Variants in RNF144B observed in about 807,000 individuals in gnomAD.
RNF144B encodes the protein E3 ubiquitin-protein ligase RNF144B.
RNF144B carries 25 observed loss-of-function variants against 40.2 expected under a neutral mutation model. The ratio of observed to expected loss-of-function variants is 0.62; its 90% CI spans 0.45 to 0.87. The LOEUF (loss-of-function observed/expected upper bound fraction) is 0.87. Among genes scored for constraint, RNF144B ranks in the 40% least tolerant of loss-of-function variants. RNF144B has a pLI of 0.00. For synonymous variants in RNF144B, 145 were observed against 136.3 expected (o/e 1.06, Z -0.44); for missense variants, 365 against 373.7 (o/e 0.98, Z 0.19).
At chr6:18,407,143 T>C (rs1400502602) in intron 2 of RNF144B, among the ~76,000 whole-genome samples, 1 of 152,074 alleles carries the variant, frequency 6.6e-6, no homozygotes, top group African/African-American at 2.4e-5. Flanking sequence ...TCACTGATCT[T>C]ATCCAGAAAC....
In RNF144B at chr6:18,425,425, T is replaced by A. The variant is rs1487225701; in HGVS notation, c.166-2156T>A. Among the ~76,000 whole-genome samples, 4 of 152,176 alleles carry A rather than the reference T, an allele frequency of 2.6e-5. No homozygotes were observed. Among genetic ancestry groups the A allele is most frequent in the Non-Finnish European group, 5.9e-5 (4 of 68,038 alleles). On this transcript the variant is annotated intron_variant, in intron 2 of 7. Transcript: ENST00000259939. The surrounding 1 kb of genome is among the most constrained non-coding windows in gnomAD (Gnocchi z 4.2). ...ATGGACAGGCTTTCACACTGTTTAT[T>A]CATTTGTCCCCTGGCAAAACACTCC...
chr6:18,426,919 T>A (rs1330091496), intron 2 of RNF144B, among the ~76,000 whole-genome samples: 5 of 152,082 alleles, frequency 3.3e-5, no homozygotes, highest in Non-Finnish European at 7.3e-5. Flanking sequence ...GTGCCTTTTT[T>A]CCTACTCCAA....
chr6:18,389,525 A>G (rs1263030270), intron 1 of RNF144B, among the ~76,000 whole-genome samples: 1 of 152,230 alleles, frequency 6.6e-6, no homozygotes, highest in African/African-American at 2.4e-5. Flanking sequence ...TATGTATGTC[A>G]GAATCCTTTC....
chr6:18,403,512 G>C (rs1032649665), intron 2 of RNF144B, among the ~76,000 whole-genome samples: 4 of 152,164 alleles, frequency 2.6e-5, no homozygotes, highest in Admixed American at 2.6e-4. Context: ...ATTGGCTCTA[G>C]GTAGTTAGAA....
chr6:18,390,252 T>G (rs1255165941), intron 1 of RNF144B, among the ~76,000 whole-genome samples: 1 of 152,252 alleles, frequency 6.6e-6, no homozygotes, highest in Non-Finnish European at 1.5e-5. Flanking sequence ...TAAGTTAATT[T>G]ATGTAAATAT....
At position 18,467,426 on chromosome 6, in the gene RNF144B, G is replaced by T. The variant is rs1214459504; in HGVS notation, c.*2359G>T. 1.2e-5 allele frequency: 1 copy of T among 83,070 alleles called. No individual in the cohort carries two copies. Among genetic ancestry groups the T allele is most frequent in the Non-Finnish European group, 2.3e-5 (1 of 44,188 alleles). 5.1% of individuals were successfully genotyped at this position (83,070 alleles called of 1,614,324 possible). A position where few individuals can be genotyped will look rare whatever the true frequency, so the allele number is the denominator to read the frequency against. On this transcript the variant is annotated 3_prime_UTR_variant, in exon 8 of 8. Coordinates refer to ENST00000259939, the MANE Select transcript of RNF144B (RefSeq NM_182757.4). ...TTTTTTTTTTTTTTTTTTTGCCAGGGCTATGGAGTGGGGGTTGTTTGTCAA... is the reference window on the plus strand; with the variant it reads ...TTTTTTTTTTTTTTTTTTTGCCAGGTCTATGGAGTGGGGGTTGTTTGTCAA...
intron 3 of RNF144B, among the ~76,000 whole-genome samples, chr6:18,428,259 T>C (rs1484979270): frequency 1.3e-5 from 2 of 152,152 alleles, no homozygotes; most frequent in Non-Finnish European, 2.9e-5. Flanking sequence ...TGTGAGTCAA[T>C]TAAATACCCA....
At chr6:18,431,048 C>G (rs6928268) in intron 3 of RNF144B, among the ~76,000 whole-genome samples, 1 of 151,768 alleles carries the variant, frequency 6.6e-6, no homozygotes, top group African/African-American at 2.4e-5. Flanking sequence ...CGAGACCATC[C>G]GGGCTAACAC....
Position 18,459,204 on chromosome 6 carries a change from T to G in RNF144B, c.537-403T>G, listed in dbSNP as rs1259181881. Among the ~76,000 whole-genome samples the G allele has an allele frequency of 6.6e-6, 1 of 152,226 alleles. No individual in the cohort carries two copies. Among genetic ancestry groups the G allele is most frequent in the African/African-American group, 2.4e-5 (1 of 41,456 alleles). On this transcript the variant is annotated intron_variant, in intron 5 of 7. Transcript: ENST00000259939. This position sits in a 1 kb window ranked among gnomAD's most constrained non-coding sequence, Gnocchi z 4.2. ...GTATTTGACATTATTTTAAAGTGTT[T>G]ATATTTGAGAACCCCTTCTCCATTT... is the stretch of plus-strand genomic sequence containing the variant.
chr6:18,411,051 C>T (rs1255698862), intron 2 of RNF144B, among the ~76,000 whole-genome samples: 1 of 148,598 alleles, frequency 6.7e-6, no homozygotes, highest in African/African-American at 2.5e-5. Context: ...GTGGCGTGAT[C>T]TCTGCTCACT....
Position 18,425,323 on chromosome 6 carries a change from A to T in RNF144B, c.166-2258A>T, listed in dbSNP as rs543969722. ...TTTCTTTAAGTGGCTGCTGGGGGTC[A>T]GTGGGAAGATCAAGGCAGTAACAAT... is the stretch of plus-strand genomic sequence containing the variant. On this transcript the variant is annotated intron_variant, in intron 2 of 7. Transcript: ENST00000259939. The surrounding 1 kb of genome is among the most constrained non-coding windows in gnomAD (Gnocchi z 4.2). Among the ~76,000 whole-genome samples, 106 of 152,272 alleles carry T rather than the reference A, an allele frequency of 7.0e-4. 1 individual carries two copies. Among genetic ancestry groups the T allele is most frequent in the Admixed American group, 1.2e-3 (18 of 15,284 alleles).
At chr6:18,391,004 A>G (rs1794568010) in intron 1 of RNF144B, among the ~76,000 whole-genome samples, 1 of 152,196 alleles carries the variant, frequency 6.6e-6, no homozygotes, top group African/African-American at 2.4e-5. Flanking sequence ...CTGGTTTCCA[A>G]TTTGTTTCTA....
In RNF144B at chr6:18,468,677, C is replaced by A. The variant is rs1759623395; in HGVS notation, c.*3610C>A. 1 of 152,170 alleles carries A rather than the reference C, an allele frequency of 6.6e-6. No homozygotes were observed. The highest frequency in any genetic ancestry group is 2.4e-5 in the African/African-American group (1 of 41,438). 9.4% of individuals were successfully genotyped at this position (152,170 alleles called of 1,614,324 possible). Reference sequence around the variant, plus strand: ...GTATGTGTAGCTTTAAGGGCAATTTCAGAAATGCATTAGATGAATGACATT... The same window carrying A: ...GTATGTGTAGCTTTAAGGGCAATTTAAGAAATGCATTAGATGAATGACATT... On this transcript the variant is annotated 3_prime_UTR_variant, in exon 8 of 8. Coordinates refer to ENST00000259939, the MANE Select transcript of RNF144B (RefSeq NM_182757.4).
rs1438400053 is a variant in RNF144B, at chr6:18,459,852, G to C, written c.681+101G>C. On this transcript the variant is annotated intron_variant, in intron 6 of 7. Coordinates refer to ENST00000259939, the MANE Select transcript of RNF144B (RefSeq NM_182757.4). The surrounding 1 kb of genome is among the most constrained non-coding windows in gnomAD (Gnocchi z 4.2). The stretch of plus-strand genomic sequence containing the variant: ...CCTTTAAAATATTGGGGCAATTTTT[G>C]TCCTGCAAAAGGAATTTATTTTTCT... The C allele has an allele frequency of 8.9e-7, 1 of 1,120,566 alleles. No homozygotes were observed. The highest frequency in any genetic ancestry group is 1.6e-5 in the African/African-American group (1 of 63,918). 69.4% of individuals were successfully genotyped at this position (1,120,566 alleles called of 1,614,324 possible). A position where few individuals can be genotyped will look rare whatever the true frequency, so the allele number is the denominator to read the frequency against.
chr6:18,401,636 TA>T (rs771149265), intron 2 of RNF144B, among the ~76,000 whole-genome samples: 1 of 152,190 alleles, frequency 6.6e-6, no homozygotes, highest in Non-Finnish European at 1.5e-5. Flanking sequence ...TTCTTGTTTT[TA>T]AAAAAATGAC....
intron 1 of RNF144B, among the ~76,000 whole-genome samples, chr6:18,391,102 T>A (rs940424691): frequency 1.3e-5 from 2 of 152,210 alleles, no homozygotes; most frequent in African/African-American, 4.8e-5. Context: ...AAATTTTTGA[T>A]TTAGATATTC....
Position 18,447,796 on chromosome 6 carries a change from A to G in RNF144B, c.331+8052A>G, listed in dbSNP as rs1280136217. On this transcript the variant is annotated intron_variant, in intron 4 of 7. Transcript: ENST00000259939. The surrounding 1 kb of genome is among the most constrained non-coding windows in gnomAD (Gnocchi z 5.6). ...TAAAGCTGTGACACTGAATGAGCGC[A>G]TCTAAGAATTAAACATAGCTAAAGA... 6.6e-6 allele frequency among the ~76,000 whole-genome samples: 1 copy of G among 152,190 alleles called. No homozygotes were observed. Among genetic ancestry groups the G allele is most frequent in the African/African-American group, 2.4e-5 (1 of 41,456 alleles).
At chr6:18,399,829 A>C in intron 2 of RNF144B, 130 bp downstream of exon 2, 4 of 705,840 alleles carry the variant, frequency 5.7e-6, no homozygotes, top group Non-Finnish European at 9.2e-6. Flanking sequence ...AAAGCATTTC[A>C]TATTTGAACC....
Position 18,425,051 on chromosome 6 carries a change from G to A in RNF144B, c.166-2530G>A, listed in dbSNP as rs938363144. Among the ~76,000 whole-genome samples, 7 of 147,894 alleles carry A rather than the reference G, an allele frequency of 4.7e-5. No homozygotes were observed. In the East Asian group the frequency reaches 1.4e-3, roughly 29 times the overall value. The stretch of plus-strand genomic sequence containing the variant: ...ATAAATTTCACGTGTATGTGTGTAT[G>A]TGTGGGTGTGTGTGTGTGTGTGTTA... On this transcript the variant is annotated intron_variant, in intron 2 of 7. Coordinates refer to ENST00000259939, the MANE Select transcript of RNF144B (RefSeq NM_182757.4). This position sits in a 1 kb window ranked among gnomAD's most constrained non-coding sequence, Gnocchi z 4.2.
Sources: gnomAD v4.1 joint callset for allele counts (sites outside exome capture counted in the v4.1 genomes callset) on GRCh38, gnomAD v4.1.1 for gene constraint, Gnocchi (gnomAD v3.1) non-coding constraint, MANE v1.5 for transcripts, NCBI Gene and HGNC (gene_info 2026-07-23, HGNC 2026-07-21) for gene names.